The following PCDH11X variants were observed in gnomAD, a reference collection of about 807,000 sequenced individuals.
PCDH11X encodes protocadherin 11 X-linked.
PCDH11X carries 18 observed loss-of-function variants against 53.3 expected under a neutral mutation model. The observed-to-expected ratio is 0.34, with a 90% CI of 0.23 to 0.50. The LOEUF is 0.50. Ranked by LOEUF, PCDH11X falls within the 20% of genes least tolerant of loss-of-function variation. The pLI is 0.98. For missense variants in PCDH11X, 570 were observed against 1,032.4 expected, an observed-to-expected ratio of 0.55 and a Z score of 6.14; for synonymous variants, 279 against 393.3, an observed-to-expected ratio of 0.71 and a Z score of 3.44.
At chrX:92,601,935 A>G (rs191035521) in intron 10 of PCDH11X, among the ~76,000 whole-genome samples, 1 of 111,988 alleles carries the variant, frequency 8.9e-6, no homozygotes, top group Admixed American at 9.5e-5. Context: ...CAGAAGCTCT[A>G]TTATAGGCAA....
intron 6 of PCDH11X, among the ~76,000 whole-genome samples, chrX:92,021,499 C>G (rs2062883880): frequency 9.1e-6 from 1 of 109,926 alleles, no homozygotes; most frequent in Admixed American, 9.8e-5. Context: ...CGAACAAAAC[C>G]TCTGAGAAAT....
chrX:92,193,135 AT>A lies in PCDH11X; in HGVS notation c.3034-8231del, dbSNP rs200135191. ...AGTCTTCTGTATGTAATTAAAGGGG[AT>A]TTTTTTTTAATTTGACATAGTTATT... On this transcript the variant is annotated intron_variant, in intron 6 of 10. Coordinates refer to ENST00000682573, the MANE Select transcript of PCDH11X (RefSeq NM_032968.5). Among the ~76,000 whole-genome samples the A allele has an allele frequency of 1.4e-4, 15 of 110,736 alleles. No individual in the cohort carries two copies. In the South Asian group the frequency reaches 2.3e-3, roughly 17 times the overall value.
intron 8 of PCDH11X, among the ~76,000 whole-genome samples, chrX:92,345,732 C>A (rs1200606003): frequency 9.1e-6 from 1 of 110,398 alleles, no homozygotes; most frequent in Admixed American, 9.7e-5. Flanking sequence ...CATGAAGTTA[C>A]GTCTGTCATC....
chrX:91,832,241 C>G (rs996583466), intron 4 of PCDH11X, among the ~76,000 whole-genome samples: 30 of 107,126 alleles, frequency 2.8e-4, no homozygotes, highest in African/African-American at 9.9e-4. Flanking sequence ...TTGGAACCAA[C>G]CCAAATGTCC....
intron 6 of PCDH11X, among the ~76,000 whole-genome samples, chrX:91,957,107 G>GGTCA (rs1174667294): frequency 6.3e-5 from 7 of 110,994 alleles, no homozygotes; most frequent in Non-Finnish European, 1.1e-4. Flanking sequence ...AGCCCCCTCA[G>GGTCA]GTCAGTTATG....
intron 10 of PCDH11X, among the ~76,000 whole-genome samples, chrX:92,538,752 A>G (rs1326690343): frequency 4.0e-5 from 4 of 100,878 alleles, no homozygotes; most frequent in African/African-American, 7.2e-5. Context: ...AAAGTGTTGC[A>G]GTTATAATTT....
chrX:92,268,692 A>T (rs904829931), intron 8 of PCDH11X, among the ~76,000 whole-genome samples: 1 of 111,806 alleles, frequency 8.9e-6, no homozygotes, highest in African/African-American at 3.3e-5. Flanking sequence ...TTTGGAACAG[A>T]TTATTTATTT....
chrX:91,824,963 G>C (rs1407177188), intron 4 of PCDH11X, among the ~76,000 whole-genome samples: 1 of 109,294 alleles, frequency 9.1e-6, no homozygotes, highest in Non-Finnish European at 1.9e-5. Flanking sequence ...CCCTGCTGGG[G>C]GGTGCCTCCC....
intron 10 of PCDH11X, among the ~76,000 whole-genome samples, chrX:92,484,352 A>G (rs1395174573): frequency 1.1e-3 from 116 of 103,001 alleles, no homozygotes; most frequent in Admixed American, 1.8e-3. Context: ...ATCTACTTTT[A>G]GTTCTTTAAG....
At chrX:91,995,880 C>T (rs1174460480) in intron 6 of PCDH11X, among the ~76,000 whole-genome samples, 11 of 101,459 alleles carry the variant, frequency 1.1e-4, no homozygotes, top group Non-Finnish European at 2.0e-4. Flanking sequence ...GGCCGAGTCT[C>T]GCTCTGTCAT....
At chrX:92,070,650 T>A (rs2063686634) in intron 6 of PCDH11X, among the ~76,000 whole-genome samples, 1 of 111,517 alleles carries the variant, frequency 9.0e-6, no homozygotes, top group African/African-American at 3.3e-5. Flanking sequence ...GTGATCTCCT[T>A]CAGGTTAAAT....
rs771499072 is a variant in PCDH11X, at chrX:92,334,194, A to C, written c.3145-53541A>C. 2.7e-5 allele frequency among the ~76,000 whole-genome samples: 3 copies of C among 112,067 alleles called. No homozygotes were observed. In the South Asian group the frequency reaches 1.1e-3, roughly 41 times the overall value. On this transcript the variant is annotated intron_variant, in intron 8 of 10. Transcript: ENST00000682573. ...TCTATTTTATCATTTACTACCATAA[A>C]TTGTACACAAATCTTTAATAAAATA...
rs1187263739 is a variant in PCDH11X at position 92,621,857 on chromosome X, A to G, written c.*2917A>G. On this transcript the variant is annotated 3_prime_UTR_variant, in exon 11 of 11. Coordinates refer to ENST00000682573, the MANE Select transcript of PCDH11X (RefSeq NM_032968.5). The stretch of plus-strand genomic sequence containing the variant: ...AACTTCAAGCTGAATGACTTATATG[A>G]GAATAATACGTTCAATCAAAGTAGT... 1 of 111,396 alleles carries G rather than the reference A, an allele frequency of 9.0e-6. No individual in the cohort carries two copies. The highest frequency in any genetic ancestry group is 3.3e-5 in the African/African-American group (1 of 30,641). The allele number at this position is 111,396 out of a possible 1,213,427, so 9.2% of individuals were successfully genotyped here.
chrX:92,305,800 G>A (rs1374271511), intron 8 of PCDH11X, among the ~76,000 whole-genome samples: 7 of 110,687 alleles, frequency 6.3e-5, no homozygotes, highest in Non-Finnish European at 1.1e-4. Flanking sequence ...ATTCAAACTA[G>A]CCACCACCCT....
intron 4 of PCDH11X, chrX:91,834,969 A>G (rs1341857417): frequency 5.7e-5 from 44 of 767,071 alleles, no homozygotes; most frequent in Non-Finnish European, 6.5e-5. Flanking sequence ...ATCCAGATCA[A>G]TTTTTTTTCA....
intron 6 of PCDH11X, among the ~76,000 whole-genome samples, chrX:92,089,878 A>C (rs947829755): frequency 6.5e-5 from 7 of 107,622 alleles, no homozygotes; most frequent in African/African-American, 1.0e-4. Context: ...CCATTGCAGC[A>C]GGTGATGTGA....
intron 1 of PCDH11X, among the ~76,000 whole-genome samples, chrX:91,786,616 T>C (rs1484413509): frequency 1.1e-5 from 1 of 90,318 alleles, no homozygotes; most frequent in East Asian, 3.4e-4. Context: ...ATGTATAGTA[T>C]TTTATATTTT....
chrX:92,223,779 A>G (rs763147656), intron 7 of PCDH11X, among the ~76,000 whole-genome samples: 2 of 111,687 alleles, frequency 1.8e-5, no homozygotes, highest in South Asian at 7.5e-4. Flanking sequence ...TACTTAACCT[A>G]TATAAAGCAC....
chrX:91,966,056 C>A (rs34455979), intron 6 of PCDH11X, among the ~76,000 whole-genome samples: 1 of 110,966 alleles, frequency 9.0e-6, no homozygotes, highest in Non-Finnish European at 1.9e-5. Context: ...TATTAGAAGA[C>A]AGGAACTATA....
Sources: allele counts gnomAD v4.1 joint callset (sites outside exome capture counted in the v4.1 genomes callset), GRCh38; gene constraint gnomAD v4.1.1; transcripts MANE v1.5; gene names NCBI Gene and HGNC (gene_info 2026-07-23, HGNC 2026-07-21).